Variants in SLIT2 observed in about 807,000 individuals in gnomAD.
The protein encoded by SLIT2 is slit guidance ligand 2, also known as slit homolog 2 protein.
Under a neutral mutation model 185.7 loss-of-function variants are expected in SLIT2, and 41 were observed. The ratio of observed to expected loss-of-function variants is 0.22; its 90% CI spans 0.17 to 0.29. The LOEUF (loss-of-function observed/expected upper bound fraction) is 0.29, where lower values mean the gene tolerates loss of function less well. Among genes scored for constraint, SLIT2 ranks in the 10% least tolerant of loss-of-function variants. The pLI is 1.00. For missense variants in SLIT2, 1,571 were observed against 1,909.0 expected, an observed-to-expected ratio of 0.82 and a Z score of 3.30; for synonymous variants, 693 against 680.2, an observed-to-expected ratio of 1.02 and a Z score of -0.29.
Position 20,542,450 on chromosome 4 carries a change from A to G in SLIT2, c.2144-44A>G, listed in dbSNP as rs367816609. 364 of 1,607,410 alleles carry G rather than the reference A, an allele frequency of 2.3e-4. 1 individual carries two copies. The highest frequency in any genetic ancestry group is 2.8e-4 in the Non-Finnish European group (328 of 1,175,334). Reference sequence around the variant, plus strand: ...GCATAAAATCCCTTCTAGCACCTTCAAGACCACAAATCTTGGTTTTCCTGT... The same window carrying G: ...GCATAAAATCCCTTCTAGCACCTTCGAGACCACAAATCTTGGTTTTCCTGT... On this transcript the variant is annotated intron_variant, in intron 20 of 36. Transcript: ENST00000504154.
At chr4:20,339,668 A>T (rs996786940) in intron 4 of SLIT2, among the ~76,000 whole-genome samples, 13 of 152,152 alleles carry the variant, frequency 8.5e-5, no homozygotes, top group Non-Finnish European at 1.5e-4. Context: ...TGAAGCATAG[A>T]TTGTTTTGAA....
At chr4:20,298,251 G>T (rs1339281139) in intron 4 of SLIT2, among the ~76,000 whole-genome samples, 1 of 151,900 alleles carries the variant, frequency 6.6e-6, no homozygotes, top group Non-Finnish European at 1.5e-5. Context: ...ACCATGCCCG[G>T]CTAATTTTTG....
intron 6 of SLIT2, among the ~76,000 whole-genome samples, chr4:20,483,654 A>G (rs1036504528): frequency 6.6e-6 from 1 of 152,102 alleles, no homozygotes; most frequent in African/African-American, 2.4e-5. Flanking sequence ...TGGTAAGGGA[A>G]TAAGATGACT....
intron 4 of SLIT2, among the ~76,000 whole-genome samples, chr4:20,408,483 A>T (rs1726947142): frequency 6.6e-6 from 1 of 152,116 alleles, no homozygotes; most frequent in African/African-American, 2.4e-5. Flanking sequence ...CCCAGATCTC[A>T]GCCCAAAGCC....
intron 4 of SLIT2, among the ~76,000 whole-genome samples, chr4:20,327,036 T>G (rs1319217207): frequency 6.6e-6 from 1 of 151,984 alleles, no homozygotes; most frequent in African/African-American, 2.4e-5. Context: ...TAGTTATACA[T>G]TAAAGCATCC....
At chr4:20,354,161 G>A (rs1372888430) in intron 4 of SLIT2, among the ~76,000 whole-genome samples, 4 of 150,846 alleles carry the variant, frequency 2.7e-5, no homozygotes, top group African/African-American at 4.9e-5. Context: ...TGTCATTTTT[G>A]TATATTGCAT....
At chr4:20,373,028 A>C (rs1056082054) in intron 4 of SLIT2, among the ~76,000 whole-genome samples, 4 of 152,108 alleles carry the variant, frequency 2.6e-5, no homozygotes, top group Non-Finnish European at 5.9e-5. Flanking sequence ...CATAGGAGTT[A>C]GATGCTAAAT....
At chr4:20,582,272 C>A (rs2148936540) in intron 29 of SLIT2, among the ~76,000 whole-genome samples, 1 of 152,316 alleles carries the variant, frequency 6.6e-6, no homozygotes, top group Admixed American at 6.5e-5. Flanking sequence ...TCATTCTCCA[C>A]TTCACCCTTG....
chr4:20,596,686 C>A lies in SLIT2; in HGVS notation c.3561+31C>A, dbSNP rs757777118. On this transcript the variant is annotated intron_variant, in intron 32 of 36. Coordinates refer to ENST00000504154, the MANE Select transcript of SLIT2 (RefSeq NM_004787.4). ...AGATCTCTCTCTATGGAGAGATGAT[C>A]GGATCTTAAAATTCAGCTTCAGAGA... 5 of 1,590,192 alleles carry A rather than the reference C, an allele frequency of 3.1e-6. No homozygotes were observed. In the South Asian group the frequency reaches 3.4e-5, roughly 11 times the overall value.
chr4:20,388,799 A>ATG (rs1725147383), intron 4 of SLIT2, among the ~76,000 whole-genome samples: 1 of 144,092 alleles, frequency 6.9e-6, no homozygotes, highest in African/African-American at 2.5e-5. Context: ...AAAAATATAT[A>ATG]TATATATAAC....
intron 4 of SLIT2, among the ~76,000 whole-genome samples, chr4:20,404,617 A>G (rs1474215256): frequency 6.6e-6 from 1 of 152,008 alleles, no homozygotes; most frequent in African/African-American, 2.4e-5. Context: ...GAAAAAGTTC[A>G]CCAACGAATG....
At chr4:20,334,126 G>A (rs1022505338) in intron 4 of SLIT2, among the ~76,000 whole-genome samples, 2 of 152,090 alleles carry the variant, frequency 1.3e-5, no homozygotes, top group East Asian at 3.9e-4. Context: ...CATCTCTAGA[G>A]AGAAAATATG....
rs189813069 is a variant in SLIT2, at chr4:20,568,808, C to T, written c.2949-57C>T. Reference sequence around the variant, plus strand: ...TATGCTTTTTTCAATATTTAGACCACATGACTTTAAAATGCAACAAAAAGA... The same window carrying T: ...TATGCTTTTTTCAATATTTAGACCATATGACTTTAAAATGCAACAAAAAGA... On this transcript the variant is annotated intron_variant, in intron 28 of 36. Coordinates refer to ENST00000504154, the MANE Select transcript of SLIT2 (RefSeq NM_004787.4). 1.4e-4 allele frequency: 211 copies of T among 1,525,818 alleles called. 2 individuals are homozygous for T. In the African/African-American group the frequency reaches 2.3e-3, roughly 17 times the overall value. The allele number at this position is 1,525,818 out of a possible 1,614,324, so 94.5% of individuals were successfully genotyped here.
intron 11 of SLIT2, among the ~76,000 whole-genome samples, chr4:20,515,340 T>C (rs1043344027): frequency 8.5e-5 from 13 of 152,208 alleles, no homozygotes; most frequent in African/African-American, 3.1e-4. Flanking sequence ...CCAGAGAATC[T>C]TTCTTTATGC....
At position 20,406,687 on chromosome 4, in the gene SLIT2, A is replaced by G. The variant is rs1338821614; in HGVS notation, c.396-61065A>G. ...GTGTTAGAAAAGACAATACAACTAC[A>G]AGGACTCTCAAACATTGCCACTGGG... On this transcript the variant is annotated intron_variant, in intron 4 of 36. Transcript: ENST00000504154. Among the ~76,000 whole-genome samples the G allele has an allele frequency of 6.2e-5, 9 of 144,604 alleles. 1 individual carries two copies. In the East Asian group the frequency reaches 2.3e-3, roughly 36 times the overall value. 94.9% of individuals were successfully genotyped at this position (144,604 alleles called of 152,430 possible).
chr4:20,256,579 A>C, intron 1 of SLIT2, 93 bp from the exon 2 acceptor site: 2 of 654,588 alleles, frequency 3.1e-6, no homozygotes, highest in Non-Finnish European at 5.4e-6. Flanking sequence ...TAGTAATTGA[A>C]TTAACTTTTA....
At chr4:20,431,939 C>T (rs1372947589) in intron 4 of SLIT2, among the ~76,000 whole-genome samples, 1 of 152,036 alleles carries the variant, frequency 6.6e-6, no homozygotes, top group Non-Finnish European at 1.5e-5. Flanking sequence ...AACTAAATCT[C>T]TCTCTCTCTC....
chr4:20,319,813 A>C lies in SLIT2; in HGVS notation c.395+50932A>C, dbSNP rs570981923. Among the ~76,000 whole-genome samples the C allele has an allele frequency of 1.1e-3, 161 of 151,348 alleles. 1 individual carries two copies. In the East Asian group the frequency reaches 0.013, roughly 12 times the overall value. ...TGGGCCAGCACTAAAAAACAAAACA[A>C]AAAAAAAACAAAAACCATAACATCC... On this transcript the variant is annotated intron_variant, in intron 4 of 36. Transcript: ENST00000504154.
chr4:20,524,790 T>G (rs2148850586), intron 14 of SLIT2, among the ~76,000 whole-genome samples: 1 of 152,344 alleles, frequency 6.6e-6, no homozygotes, highest in Admixed American at 6.5e-5. Context: ...GTATTGATAT[T>G]AAATGAAAGG....
Sources: gnomAD v4.1 joint callset for allele counts (sites outside exome capture counted in the v4.1 genomes callset) on GRCh38, gnomAD v4.1.1 for gene constraint, MANE v1.5 for transcripts, NCBI Gene and HGNC (gene_info 2026-07-23, HGNC 2026-07-21) for gene names.